The following CD44 variants were observed in gnomAD, a reference collection of about 807,000 sequenced individuals.
CD44 encodes the protein CD44 molecule (IN blood group), also known as CD44 antigen.
In CD44, 49 loss-of-function variants were observed where a neutral mutation model predicts 88.8. That is an observed-to-expected ratio of 0.55 (90% CI 0.44 to 0.70). CD44 has a LOEUF of 0.70. Among genes scored for constraint, CD44 ranks in the 30% least tolerant of loss-of-function variants. CD44 has a pLI of 0.00. For synonymous variants in CD44, 325 were observed against 312.3 expected, an observed-to-expected ratio of 1.04 and a Z score of -0.43; for missense variants, 883 against 913.8, an observed-to-expected ratio of 0.97 and a Z score of 0.43.
chr11:35,166,972 T>C (rs762063130), intron 1 of CD44, among the ~76,000 whole-genome samples: 3 of 152,178 alleles, frequency 2.0e-5, no homozygotes, highest in Admixed American at 1.3e-4. Context: ...GCCCATCACA[T>C]GGGCATCAGG....
At chr11:35,160,866 T>A (rs112398599) in intron 1 of CD44, among the ~76,000 whole-genome samples, 26 of 152,360 alleles carry the variant, frequency 1.7e-4, no homozygotes, top group African/African-American at 6.3e-4. Context: ...GTTAGGACAC[T>A]TGAGGCAGGA....
intron 7 of CD44, among the ~76,000 whole-genome samples, chr11:35,199,943 T>G (rs963911385): frequency 6.8e-6 from 1 of 147,394 alleles, no homozygotes; most frequent in East Asian, 1.9e-4. Flanking sequence ...TGTTTTTTTT[T>G]TTTTTTTTTT....
chr11:35,200,159 G>A (rs1947177071), intron 7 of CD44, among the ~76,000 whole-genome samples: 1 of 151,904 alleles, frequency 6.6e-6, no homozygotes, highest in South Asian at 2.1e-4. Flanking sequence ...TTCATAACTT[G>A]TAAAATAGAG....
chr11:35,141,535 C>T (rs1051377348), intron 1 of CD44, among the ~76,000 whole-genome samples: 3 of 152,122 alleles, frequency 2.0e-5, no homozygotes, highest in Admixed American at 6.5e-5. Context: ...CCTACCAGTG[C>T]CATCTTCTGC....
intron 7 of CD44, chr11:35,198,544 C>A: frequency 3.2e-6 from 1 of 312,364 alleles, no homozygotes; most frequent in Non-Finnish European, 6.0e-6. Flanking sequence ...GACATTAAAA[C>A]AGTACAAAAA....
intron 1 of CD44, among the ~76,000 whole-genome samples, chr11:35,150,296 A>T (rs983470798): frequency 4.6e-5 from 7 of 152,128 alleles, no homozygotes; most frequent in African/African-American, 1.7e-4. Flanking sequence ...TAGGGGAAAA[A>T]AAGCTAGACC....
intron 1 of CD44, among the ~76,000 whole-genome samples, chr11:35,173,751 C>T (rs1944159796): frequency 6.6e-6 from 1 of 152,166 alleles, no homozygotes; most frequent in Non-Finnish European, 1.5e-5. Context: ...GCTTCCTGCT[C>T]AGGAAAGAGA....
chr11:35,187,897 G>T (rs925032058), intron 4 of CD44, among the ~76,000 whole-genome samples: 1 of 152,134 alleles, frequency 6.6e-6, no homozygotes, highest in African/African-American at 2.4e-5. Context: ...AGACATGGGG[G>T]TCTCACTATG....
chr11:35,231,958 G>A lies in CD44; in HGVS notation c.*2625G>A, dbSNP rs754275348. On this transcript the variant is annotated 3_prime_UTR_variant, in exon 18 of 18. Transcript: ENST00000428726. Reference sequence around the variant, plus strand: ...TCTTCGAATCCATATTTCAAGCCTGGTAGAATTGGCTTTTCTAGCAGAACC... The same window carrying A: ...TCTTCGAATCCATATTTCAAGCCTGATAGAATTGGCTTTTCTAGCAGAACC... 2.6e-5 allele frequency: 4 copies of A among 152,130 alleles called. No individual in the cohort carries two copies. Among genetic ancestry groups the A allele is most frequent in the Non-Finnish European group, 5.9e-5 (4 of 68,006 alleles). 9.4% of individuals were successfully genotyped at this position (152,130 alleles called of 1,614,324 possible).
chr11:35,168,933 A>G (rs1166680467), intron 1 of CD44, among the ~76,000 whole-genome samples: 1 of 152,250 alleles, frequency 6.6e-6, no homozygotes, highest in African/African-American at 2.4e-5. Flanking sequence ...AGACAAAGCC[A>G]GTTACAAAAC....
Position 35,211,242 on chromosome 11 carries a change from A to G in CD44, c.1607-4A>G. ...GGTTCATCACTGATTCCACCTCCAC[A>G]CAGATAGGAATGATGTCACAGGTGG... On this transcript the variant is annotated splice_polypyrimidine_tract_variant and splice_region_variant and intron_variant, in intron 13 of 17. Transcript: ENST00000428726. 1 of 1,611,288 alleles carries G rather than the reference A, an allele frequency of 6.2e-7. No homozygotes were observed. Among genetic ancestry groups the G allele is most frequent in the South Asian group, 1.1e-5 (1 of 90,984 alleles).
intron 1 of CD44, among the ~76,000 whole-genome samples, chr11:35,153,196 A>G (rs1941406896): frequency 6.6e-6 from 1 of 152,164 alleles, no homozygotes; most frequent in Non-Finnish European, 1.5e-5. Flanking sequence ...TTATCCTTTG[A>G]GACGATAAAG....
Position 35,183,696 on chromosome 11 carries a change from A to AT in CD44, c.368-3128dup, listed in dbSNP as rs1319463128. On this transcript the variant is annotated intron_variant, in intron 3 of 17. Transcript: ENST00000428726. ...GGCAGAACTTGAAAAGGCCTTTGTG[A>AT]TTTTTTTTCCCTCATTTTCAGTGGT... 3.9e-5 allele frequency among the ~76,000 whole-genome samples: 6 copies of AT among 152,042 alleles called. No individual in the cohort carries two copies. In the East Asian group the frequency reaches 5.8e-4, roughly 15 times the overall value.
chr11:35,142,287 C>G (rs1163191940), intron 1 of CD44, among the ~76,000 whole-genome samples: 1 of 152,090 alleles, frequency 6.6e-6, no homozygotes, highest in Non-Finnish European at 1.5e-5. Flanking sequence ...TTTGACCCAG[C>G]CATCCCATTA....
chr11:35,144,035 A>T (rs1185256862), intron 1 of CD44, among the ~76,000 whole-genome samples: 1 of 152,224 alleles, frequency 6.6e-6, no homozygotes, highest in Non-Finnish European at 1.5e-5. Context: ...CCTGGGTAGG[A>T]GGCTGACATG....
At chr11:35,143,963 G>A (rs77261371) in intron 1 of CD44, among the ~76,000 whole-genome samples, 1,923 of 152,332 alleles carry the variant, frequency 0.013, 42 homozygotes, top group African/African-American at 0.044. Flanking sequence ...GACCAGGCAA[G>A]CATTTCACAT....
chr11:35,199,934 G>GTTTTTTTTTTTTTTT (rs60509735), intron 7 of CD44, among the ~76,000 whole-genome samples: 1 of 90,882 alleles, frequency 1.1e-5, no homozygotes, highest in Non-Finnish European at 2.1e-5. Context: ...CCATGGTGTT[G>GTTTTTTTTTTTTTTT]TTTTTTTTTT....
At chr11:35,150,788 T>C (rs1042709631) in intron 1 of CD44, among the ~76,000 whole-genome samples, 5 of 152,184 alleles carry the variant, frequency 3.3e-5, no homozygotes, top group Non-Finnish European at 5.9e-5. Flanking sequence ...CCAGGAGAGC[T>C]TCTCCCTCTC....
chr11:35,147,975 C>T (rs1049625740), intron 1 of CD44, among the ~76,000 whole-genome samples: 1 of 152,058 alleles, frequency 6.6e-6, no homozygotes, highest in Non-Finnish European at 1.5e-5. Context: ...CCTGTAATCT[C>T]AGCTACTTGG....
Sources: gnomAD v4.1 joint callset for allele counts (sites outside exome capture counted in the v4.1 genomes callset) on GRCh38, gnomAD v4.1.1 for gene constraint, MANE v1.5 for transcripts, NCBI Gene and HGNC (gene_info 2026-07-23, HGNC 2026-07-21) for gene names.